ZNF71: variants seen among roughly 807,000 people sequenced by gnomAD.
ZNF71 encodes the protein endothelial zinc finger protein induced by tumor necrosis factor alpha.
A neutral mutation model predicts 6.7 loss-of-function variants in ZNF71; 3 were observed. The observed-to-expected ratio is 0.45, with a 90% CI of 0.20 to 1.16. ZNF71 has a LOEUF of 1.16. Among genes scored for constraint, ZNF71 ranks in the 50% most tolerant of loss-of-function variants. The pLI is 0.25. For missense variants in ZNF71, 688 were observed against 728.6 expected, an observed-to-expected ratio of 0.94 and a Z score of 0.64; for synonymous variants, 343 against 311.1, an observed-to-expected ratio of 1.10 and a Z score of -1.08.
In ZNF71 at chr19:56,622,002, GA is replaced by G; in HGVS notation, c.896del (p.Glu299GlyfsTer47). On this transcript the variant is annotated frameshift_variant, in exon 4 of 4. Transcript: ENST00000599599. LOFTEE classifies it low-confidence loss of function (END_TRUNC). ...CCAGCACGAGCGGATCCACACGGGGGAGAAGCCCTACGCGTGCGGGGACTGC... is the reference window on the plus strand; with the variant it reads ...CCAGCACGAGCGGATCCACACGGGGGGAAGCCCTACGCGTGCGGGGACTGC... ...LTQHERIHTGEKPYACGDCGK... is the reference protein window; with the variant it reads ...LTQHERIHTGXKPYACGDCGK... 1 of 1,607,208 alleles carries G rather than the reference GA, an allele frequency of 6.2e-7. No individual in the cohort carries two copies. The highest frequency in any genetic ancestry group is 8.5e-7 in the Non-Finnish European group (1 of 1,178,564).
In ZNF71 at chr19:56,621,728, G is replaced by A; in HGVS notation, c.621G>A (p.Lys207=). ...KAFSRSSSLI[K]HQRIHTGEKP... is the part of the protein sequence containing the mutation. ...TTAGCCGAAGCTCGTCCCTGATAAA[G>A]CACCAAAGGATCCACACGGGAGAAA... Residue 207 remains lysine, a synonymous_variant, in exon 4 of 4, where the codon AAG becomes AAA. Coordinates refer to ENST00000599599, the MANE Select transcript of ZNF71 (RefSeq NM_001370215.1). 1.2e-6 allele frequency: 2 copies of A among 1,614,100 alleles called. No homozygotes were observed. The highest frequency in any genetic ancestry group is 1.7e-6 in the Non-Finnish European group (2 of 1,180,048).
At position 56,622,524 on chromosome 19, in the gene ZNF71, G is replaced by A. The variant is rs769543206; in HGVS notation, c.1417G>A (p.Gly473Ser). 5 of 1,607,938 alleles carry A rather than the reference G, an allele frequency of 3.1e-6. No individual in the cohort carries two copies. The highest frequency in any genetic ancestry group is 4.3e-6 in the Non-Finnish European group (5 of 1,176,404). The change falls in exon 4 of 4, where the codon GGC becomes AGC. Residue 473 changes from glycine to serine, a missense_variant. Physicochemically the swap from Gly to Ser is moderately conservative, Grantham distance 56 (BLOSUM62 0). Transcript: ENST00000599599. ...CACCGGGGAGAAGCCCTACGTGTGC[G>A]GCGAGTGCGGCAAGGCCTTCAGCCA... is the stretch of plus-strand genomic sequence containing the variant. ...VHTGEKPYVC[G>S]ECGKAFSQSA...
At chr19:56,596,736 A>C (rs1420140757) in intron 1 of ZNF71, among the ~76,000 whole-genome samples, 1 of 152,170 alleles carries the variant, frequency 6.6e-6, no homozygotes, top group Non-Finnish European at 1.5e-5. Flanking sequence ...TCTCAGACTA[A>C]GTGACTCACC....
rs2044769694 is a variant in ZNF71 at position 56,613,798 on chromosome 19, G to A, written c.34-14G>A. On this transcript the variant is annotated splice_polypyrimidine_tract_variant and intron_variant, in intron 2 of 3. Coordinates refer to ENST00000599599, the MANE Select transcript of ZNF71 (RefSeq NM_001370215.1). This position sits in a 1 kb window ranked among gnomAD's most constrained non-coding sequence, Gnocchi z 4.6. ...AGGGCCCTGCGATGAGCGGATGTGG[G>A]TTTCCTCTTACAGGAATCAGTGACG... The A allele has an allele frequency of 1.8e-6, 2 of 1,093,540 alleles. No homozygotes were observed. Among genetic ancestry groups the A allele is most frequent in the Non-Finnish European group, 2.3e-6 (2 of 881,590 alleles). 67.7% of individuals were successfully genotyped at this position (1,093,540 alleles called of 1,614,324 possible). A position where few individuals can be genotyped will look rare whatever the true frequency, so the allele number is the denominator to read the frequency against.
rs12609800 is a variant in ZNF71, at chr19:56,600,849, T to C, written c.-52-658T>C. On this transcript the variant is annotated intron_variant, in intron 1 of 3. Transcript: ENST00000599599. Reference sequence around the variant, plus strand: ...GAACTGGAGGAGAATTGAATCAAGATGCATTTCTCTAGGCGAATCTGGCTC... The same window carrying C: ...GAACTGGAGGAGAATTGAATCAAGACGCATTTCTCTAGGCGAATCTGGCTC... 0.011 allele frequency among the ~76,000 whole-genome samples: 1,696 copies of C among 152,256 alleles called. 86 individuals are homozygous for C. The East Asian group carries it at 0.16, about 15-fold the overall frequency.
At chr19:56,597,374 GA>G (rs2044633709) in intron 1 of ZNF71, among the ~76,000 whole-genome samples, 1 of 152,168 alleles carries the variant, frequency 6.6e-6, no homozygotes, top group South Asian at 2.1e-4. Context: ...TACACCCAGG[GA>G]AACAATTCAA....
chr19:56,598,029 T>G lies in ZNF71; in HGVS notation c.-53+2601T>G, dbSNP rs1044442737. ...GTTGTCCTAGATGTCGGAAATACAA[T>G]CTGAAAGTGATCATCCCTGCTCCCT... On this transcript the variant is annotated intron_variant, in intron 1 of 3. Transcript: ENST00000599599. This position sits in a 1 kb window ranked among gnomAD's most constrained non-coding sequence, Gnocchi z 4.2. Among the ~76,000 whole-genome samples, 3 of 152,160 alleles carry G rather than the reference T, an allele frequency of 2.0e-5. No individual in the cohort carries two copies. The highest frequency in any genetic ancestry group is 4.8e-5 in the African/African-American group (2 of 41,436).
chr19:56,621,445 G>C lies in ZNF71; in HGVS notation c.338G>C (p.Gly113Ala). 1 of 1,614,002 alleles carries C rather than the reference G, an allele frequency of 6.2e-7. No homozygotes were observed. The highest frequency in any genetic ancestry group is 2.2e-5 in the East Asian group (1 of 44,860). ...CCAGAGAGGCCGCGGGGAGATGCAG[G>C]TGCAGAGTGGGAGCCATTGGGAATT... The part of the protein sequence containing the change: ...SWPERPRGDA[G>A]AEWEPLGIPQ... Residue 113 changes from glycine to alanine, a missense_variant, in exon 4 of 4, where the codon GGT becomes GCT. Physicochemically the swap from Gly to Ala is moderately conservative, Grantham distance 60. Coordinates refer to ENST00000599599, the MANE Select transcript of ZNF71 (RefSeq NM_001370215.1).
chr19:56,597,459 C>G (rs1244741737), intron 1 of ZNF71, among the ~76,000 whole-genome samples: 2 of 152,244 alleles, frequency 1.3e-5, no homozygotes, highest in African/African-American at 4.8e-5. Flanking sequence ...CAGACACCAA[C>G]CCAGCCTCAT....
chr19:56,615,908 T>C (rs1200703553), intron 3 of ZNF71, among the ~76,000 whole-genome samples: 1 of 152,252 alleles, frequency 6.6e-6, no homozygotes, highest in Non-Finnish European at 1.5e-5. Flanking sequence ...TCTAAGGTTT[T>C]AGTGGTTTAG....
intron 2 of ZNF71, among the ~76,000 whole-genome samples, chr19:56,604,737 G>C (rs2044696700): frequency 6.6e-6 from 1 of 152,176 alleles, no homozygotes. Context: ...GGCAGAGGAG[G>C]CTATCTTGAG....
chr19:56,596,812 C>T (rs375068774), intron 1 of ZNF71, among the ~76,000 whole-genome samples: 3 of 152,180 alleles, frequency 2.0e-5, no homozygotes, highest in Admixed American at 6.5e-5. Flanking sequence ...ATGGGAGATC[C>T]CTTTTTTCCC....
intron 2 of ZNF71, among the ~76,000 whole-genome samples, chr19:56,611,352 C>A (rs1358853534): frequency 3.9e-5 from 6 of 152,196 alleles, no homozygotes; most frequent in Non-Finnish European, 7.3e-5. Context: ...AGGACTCGGG[C>A]TCTGGAGACA....
intron 3 of ZNF71, among the ~76,000 whole-genome samples, chr19:56,615,457 T>C (rs2044783294): frequency 6.6e-6 from 1 of 152,234 alleles, no homozygotes; most frequent in Admixed American, 6.5e-5. Flanking sequence ...AGGTGTGTGG[T>C]CTCATCACTG....
intron 1 of ZNF71, 82 bp downstream of exon 1, chr19:56,595,510 TG>T: frequency 6.3e-6 from 1 of 159,992 alleles, no homozygotes; most frequent in South Asian, 1.8e-4. Flanking sequence ...GAGGTGCGCC[TG>T]GAGAGGCTGA....
rs1441449592 is a variant in ZNF71 at position 56,618,854 on chromosome 19, T to A, written c.161-2414T>A. Reference sequence around the variant, plus strand: ...CATCATTCTCAGTACCGTAGGGAGGTCACGGGAGGGTTGATCTGACTCCTC... The same window carrying A: ...CATCATTCTCAGTACCGTAGGGAGGACACGGGAGGGTTGATCTGACTCCTC... On this transcript the variant is annotated intron_variant, in intron 3 of 3. Coordinates refer to ENST00000599599, the MANE Select transcript of ZNF71 (RefSeq NM_001370215.1). The surrounding 1 kb of genome is among the most constrained non-coding windows in gnomAD (Gnocchi z 4.6). Among the ~76,000 whole-genome samples, 4 of 151,916 alleles carry A rather than the reference T, an allele frequency of 2.6e-5. No homozygotes were observed. The highest frequency in any genetic ancestry group is 5.9e-5 in the Non-Finnish European group (4 of 67,974).
chr19:56,615,155 G>A (rs866791982), intron 3 of ZNF71, among the ~76,000 whole-genome samples: 3 of 152,280 alleles, frequency 2.0e-5, no homozygotes, highest in Middle Eastern at 3.4e-3. Context: ...CAACATTTGG[G>A]TCATTTCCAG....
rs757757496 is a variant in ZNF71 at position 56,622,769 on chromosome 19, C to G, written c.*12C>G. On this transcript the variant is annotated 3_prime_UTR_variant, in exon 4 of 4. Transcript: ENST00000599599. ...GGATTCACACCTGAGCGCCTCTGTG[C>G]AGGGCTCTCACTGGCGGTGCCCAGG... 65 of 1,579,396 alleles carry G rather than the reference C, an allele frequency of 4.1e-5. No homozygotes were observed. The highest frequency in any genetic ancestry group is 5.2e-5 in the Non-Finnish European group (60 of 1,160,552).
At chr19:56,606,412 C>T (rs776689679) in intron 2 of ZNF71, among the ~76,000 whole-genome samples, 13 of 152,026 alleles carry the variant, frequency 8.6e-5, no homozygotes, top group East Asian at 5.8e-4. Flanking sequence ...TCTGGTAGCC[C>T]GGAAAATTAT....
Sources: allele counts gnomAD v4.1 joint callset (sites outside exome capture counted in the v4.1 genomes callset), GRCh38; gene constraint gnomAD v4.1.1; non-coding constraint Gnocchi (gnomAD v3.1); transcripts MANE v1.5; gene names NCBI Gene and HGNC (gene_info 2026-07-23, HGNC 2026-07-21).